RBM3: variants seen among roughly 807,000 people sequenced by gnomAD.
RBM3 encodes the protein RNA-binding protein 3.
A neutral mutation model predicts 12.0 loss-of-function variants in RBM3; 3 were observed. That is an observed-to-expected ratio of 0.25 (90% CI 0.11 to 0.65). RBM3 has a LOEUF of 0.65. Among genes scored for constraint, RBM3 ranks in the 30% least tolerant of loss-of-function variants. The pLI is 0.84. For missense variants in RBM3, 108 were observed against 134.5 expected (o/e 0.80, Z 0.97); for synonymous variants, 58 against 45.7 (o/e 1.27, Z -1.08).
At chrX:48,575,747 C>T in intron 3 of RBM3, 80 bp downstream of exon 3, 2 of 952,645 alleles carry the variant, frequency 2.1e-6, no homozygotes, top group Non-Finnish European at 2.9e-6. Context: ...TCTGTGTCTG[C>T]TCGGGGCAGC....
At chrX:48,575,782 C>G in intron 3 of RBM3, 115 bp downstream of exon 3, 2 of 718,003 alleles carry the variant, frequency 2.8e-6, no homozygotes, top group Non-Finnish European at 4.1e-6. Flanking sequence ...CCGCAGTGCC[C>G]ACTCACAGGA....
rs1331768572 is a variant in RBM3, at chrX:48,580,214, A to AT, written c.*2775dup. Among the ~76,000 whole-genome samples, 1 of 111,839 alleles carries AT rather than the reference A, an allele frequency of 8.9e-6. No individual in the cohort carries two copies. Among genetic ancestry groups the AT allele is most frequent in the East Asian group, 2.8e-4 (1 of 3,597 alleles). Reference sequence around the variant, plus strand: ...AATCTCTTGTCAAGGGCCAGAATAAATTAAGAGATTGGCTTTTGGTTTTCA... The same window carrying AT: ...AATCTCTTGTCAAGGGCCAGAATAAATTTAAGAGATTGGCTTTTGGTTTTCA... On this transcript the variant is annotated 3_prime_UTR_variant, in exon 7 of 7. Coordinates refer to ENST00000376759, the MANE Select transcript of RBM3 (RefSeq NM_006743.5).
Position 48,577,471 on chromosome X carries a change from A to G in RBM3, c.*30A>G, listed in dbSNP as rs2062086318. 2.8e-6 allele frequency: 3 copies of G among 1,065,642 alleles called. No homozygotes were observed. The highest frequency in any genetic ancestry group is 3.7e-6 in the Non-Finnish European group (3 of 809,967). 87.8% of individuals were successfully genotyped at this position (1,065,642 alleles called of 1,213,427 possible). ...CCCCTCTTGCTGTTCCCAGATACAC[A>G]AGGAATAATTTCTGATCCAGGATCG... is the stretch of plus-strand genomic sequence containing the variant. On this transcript the variant is annotated 3_prime_UTR_variant, in exon 7 of 7. Coordinates refer to ENST00000376759, the MANE Select transcript of RBM3 (RefSeq NM_006743.5).
chrX:48,575,388 T>A, intron 2 of RBM3, 105 bp downstream of exon 2: 1 of 864,677 alleles, frequency 1.2e-6, no homozygotes, highest in East Asian at 3.4e-5. Context: ...CTCCAAATTC[T>A]TTTTCTTCCT....
chrX:48,577,474 G>GAA lies in RBM3; in HGVS notation c.*34_*35dup. ...CTCTTGCTGTTCCCAGATACACAAG[G>GAA]AATAATTTCTGATCCAGGATCGTCC... On this transcript the variant is annotated 3_prime_UTR_variant, in exon 7 of 7. Coordinates refer to ENST00000376759, the MANE Select transcript of RBM3 (RefSeq NM_006743.5). 1.9e-6 allele frequency: 2 copies of GAA among 1,066,800 alleles called. No individual in the cohort carries two copies. The highest frequency in any genetic ancestry group is 8.1e-5 in the East Asian group (2 of 24,809). The allele number at this position is 1,066,800 out of a possible 1,213,427, so 87.9% of individuals were successfully genotyped here.
At chrX:48,576,246 G>T in intron 3 of RBM3, 68 bp from the exon 4 acceptor site, 1 of 1,170,014 alleles carries the variant, frequency 8.5e-7, no homozygotes, top group South Asian at 1.9e-5. Flanking sequence ...ACTTACCCTT[G>T]CCTGCTCTTC....
At chrX:48,577,397 TAGG>T (rs1237851223) in intron 6 of RBM3, 65 bp from the exon 7 acceptor site, 1 of 856,300 alleles carries the variant, frequency 1.2e-6, no homozygotes, top group African/African-American at 2.0e-5. Context: ...TCATCAGCTC[TAGG>T]AGGTGAGCAT....
intron 3 of RBM3, 96 bp downstream of exon 3, chrX:48,575,763 C>T: frequency 1.2e-6 from 1 of 834,157 alleles, no homozygotes; most frequent in Non-Finnish European, 1.7e-6. Context: ...GCAGCGTGGC[C>T]ACCAAGCCCC....
At position 48,575,161 on chromosome X, in the gene RBM3, C is replaced by CA; in HGVS notation, c.-13-7_-13-6insA. 1 of 1,154,901 alleles carries CA rather than the reference C, an allele frequency of 8.7e-7. No homozygotes were observed. Among genetic ancestry groups the CA allele is most frequent in the African/African-American group, 1.8e-5 (1 of 56,701 alleles). ...TCCTGCCACCATTCTTCATGTTCTT[C>CA]CCACAGGACTTGAACTGCCATGTCC... On this transcript the variant is annotated splice_region_variant and splice_polypyrimidine_tract_variant and intron_variant, in intron 1 of 6. Transcript: ENST00000376759.
In RBM3 at chrX:48,579,374, C is replaced by G. The variant is rs7879722; in HGVS notation, c.*1933C>G. ...GTATTATTAGTTCCAGTCCTGGAGG[C>G]CTGCCTCCTGAGTTTCCCAGCTAGT... On this transcript the variant is annotated 3_prime_UTR_variant, in exon 7 of 7. Transcript: ENST00000376759. Among the ~76,000 whole-genome samples the G allele has an allele frequency of 0.3, 32,793 of 110,991 alleles. 3,786 individuals carry two copies. The highest frequency in any genetic ancestry group is 0.44 in the East Asian group (1,521 of 3,494).
intron 5 of RBM3, among the ~76,000 whole-genome samples, chrX:48,576,810 A>G (rs187322851): frequency 1.1e-3 from 127 of 112,350 alleles, no homozygotes; most frequent in Non-Finnish European, 2.2e-3. Flanking sequence ...TGGGTTATAT[A>G]ACTATATTGC....
intron 3 of RBM3, chrX:48,576,097 A>G: frequency 1.7e-6 from 2 of 1,143,611 alleles, no homozygotes; most frequent in Non-Finnish European, 2.3e-6. Flanking sequence ...AGTAGTAGCA[A>G]GGGGAACATG....
intron 3 of RBM3, 132 bp from the exon 4 acceptor site, chrX:48,576,182 G>A (rs1257049361): frequency 1.7e-6 from 2 of 1,165,589 alleles, no homozygotes; most frequent in Non-Finnish European, 2.3e-6. Flanking sequence ...GCTTATTCTG[G>A]AACATGGCAC....
At chrX:48,574,751 G>C in intron 1 of RBM3, 178 bp downstream of exon 1, 1 of 332,778 alleles carries the variant, frequency 3.0e-6, no homozygotes, top group Non-Finnish European at 5.8e-6. Context: ...GGAGGCCGGC[G>C]CGCTGTATCT....
At chrX:48,577,361 T>C in intron 6 of RBM3, 104 bp from the exon 7 acceptor site, 2 of 840,916 alleles carry the variant, frequency 2.4e-6, no homozygotes, top group Non-Finnish European at 3.3e-6. Flanking sequence ...TGAAGGTGTG[T>C]CCCTGTTGTC....
rs961553733 is a variant in RBM3, at chrX:48,580,953, A to C, written c.*3512A>C. On this transcript the variant is annotated 3_prime_UTR_variant, in exon 7 of 7. Coordinates refer to ENST00000376759, the MANE Select transcript of RBM3 (RefSeq NM_006743.5). ...GCCCAGCTGCATTCCAAGTGTTTTC[A>C]AGTTTGGTGGTAAGACCTGACCTGA... 1.8e-5 allele frequency: 2 copies of C among 109,253 alleles called. No individual in the cohort carries two copies. Among genetic ancestry groups the C allele is most frequent in the South Asian group, 4.0e-4 (1 of 2,521 alleles). The allele number at this position is 109,253 out of a possible 1,213,427, so 9.0% of individuals were successfully genotyped here.
intron 5 of RBM3, 145 bp from the exon 6 acceptor site, chrX:48,576,881 T>C: frequency 1.3e-6 from 1 of 787,908 alleles, no homozygotes. Context: ...AACTGTTTAC[T>C]GTGATACTCA....
In RBM3 at chrX:48,577,873, G is replaced by T; in HGVS notation, c.*432G>T. ...ATTTCCCAATGTACCTATAAGAAAT[G>T]TGCATCAAGCCAGCCTGACCAACAT... On this transcript the variant is annotated 3_prime_UTR_variant, in exon 7 of 7. Transcript: ENST00000376759. The T allele has an allele frequency of 7.6e-6, 1 of 131,507 alleles. No individual in the cohort carries two copies. Among genetic ancestry groups the T allele is most frequent in the South Asian group, 2.0e-4 (1 of 4,959 alleles). The allele number at this position is 131,507 out of a possible 1,213,427, so 10.8% of individuals were successfully genotyped here. A position where few individuals can be genotyped will look rare whatever the true frequency, so the allele number is the denominator to read the frequency against.
intron 5 of RBM3, 42 bp from the exon 6 acceptor site, chrX:48,576,984 T>C (rs782589137): frequency 3.9e-5 from 46 of 1,191,934 alleles, no homozygotes; most frequent in Non-Finnish European, 5.0e-5. Context: ...GTATATATAA[T>C]GCAGTACCAG....
Sources: gnomAD v4.1 joint callset for allele counts (sites outside exome capture counted in the v4.1 genomes callset) on GRCh38, gnomAD v4.1.1 for gene constraint, MANE v1.5 for transcripts, NCBI Gene and HGNC (gene_info 2026-07-23, HGNC 2026-07-21) for gene names.